AGPAT5: variants seen among roughly 807,000 people sequenced by gnomAD.
AGPAT5 encodes the protein 1-acyl-sn-glycerol-3-phosphate acyltransferase epsilon.
Under a neutral mutation model 45.6 loss-of-function variants are expected in AGPAT5, and 46 were observed. The observed-to-expected ratio is 1.01, with a 90% CI of 0.80 to 1.29. AGPAT5 has a LOEUF of 1.29. AGPAT5 is among the 50% of genes most tolerant of loss of function. The pLI, the probability that AGPAT5 is intolerant of heterozygous loss-of-function variation, is 0.00. For synonymous variants in AGPAT5, 272 were observed against 167.0 expected, an observed-to-expected ratio of 1.63 and a Z score of -4.85; for missense variants, 673 against 450.7, an observed-to-expected ratio of 1.49 and a Z score of -4.47.
At chr8:6,746,175 C>G (rs965083922) in intron 5 of AGPAT5, 8 of 152,334 alleles carry the variant, frequency 5.3e-5, no homozygotes, top group African/African-American at 1.9e-4. Context: ...ACACGTGCCA[C>G]CGCGCCCGGC....
Position 6,761,305 on chromosome 8 carries a change from T to A in AGPAT5, c.*3917T>A, listed in dbSNP as rs1429519498. On this transcript the variant is annotated 3_prime_UTR_variant, in exon 8 of 8. Coordinates refer to ENST00000285518, the MANE Select transcript of AGPAT5 (RefSeq NM_018361.5). ...TGATTTTATATGTGAATATGTAAGA[T>A]ATGTTCTGCAATTTTATAAATGTTC... Among the ~76,000 whole-genome samples, 1 of 152,182 alleles carries A rather than the reference T, an allele frequency of 6.6e-6. No individual in the cohort carries two copies. The highest frequency in any genetic ancestry group is 1.5e-5 in the Non-Finnish European group (1 of 68,048).
intron 4 of AGPAT5, among the ~76,000 whole-genome samples, chr8:6,735,547 C>A (rs1801022333): frequency 6.6e-6 from 1 of 152,204 alleles, no homozygotes; most frequent in Admixed American, 6.5e-5. Context: ...ACATTGGCCC[C>A]CAACTAAACA....
At chr8:6,736,028 A>G (rs1472585993) in intron 4 of AGPAT5, among the ~76,000 whole-genome samples, 1 of 151,632 alleles carries the variant, frequency 6.6e-6, no homozygotes, top group Non-Finnish European at 1.5e-5. Context: ...TAATTTTTGT[A>G]TTTTTAGTAG....
At chr8:6,731,978 T>G (rs1308400948) in intron 3 of AGPAT5, among the ~76,000 whole-genome samples, 3 of 152,230 alleles carry the variant, frequency 2.0e-5, no homozygotes, top group African/African-American at 7.2e-5. Flanking sequence ...CTAATCCTTC[T>G]ACAGAGACTG....
chr8:6,724,019 A>C (rs1451549596), intron 1 of AGPAT5, among the ~76,000 whole-genome samples: 1 of 152,220 alleles, frequency 6.6e-6, no homozygotes, highest in Non-Finnish European at 1.5e-5. Flanking sequence ...ATTTCCTTTT[A>C]AGTCTTTACA....
intron 1 of AGPAT5, among the ~76,000 whole-genome samples, chr8:6,717,800 C>G (rs1157541223): frequency 2.0e-5 from 3 of 148,322 alleles, no homozygotes; most frequent in East Asian, 1.9e-4. Flanking sequence ...AATTTTACTC[C>G]TTGTAATTCC....
rs1307883317 is a variant in AGPAT5 at position 6,758,609 on chromosome 8, C to T, written c.*1221C>T. ...CCTTCTCAAGCCAGTGAAATACAGA[C>T]TTAATTTGTCATGACTGAACGAATT... On this transcript the variant is annotated 3_prime_UTR_variant, in exon 8 of 8. Transcript: ENST00000285518. The T allele has an allele frequency of 6.6e-6, 1 of 152,474 alleles. No homozygotes were observed. The highest frequency in any genetic ancestry group is 1.5e-5 in the Non-Finnish European group (1 of 68,050). 9.4% of individuals were successfully genotyped at this position (152,474 alleles called of 1,614,324 possible).
Position 6,744,676 on chromosome 8 carries a change from A to G in AGPAT5, c.586+2925A>G, listed in dbSNP as rs192335259. Among the ~76,000 whole-genome samples, 1,129 of 152,260 alleles carry G rather than the reference A, an allele frequency of 7.4e-3. 9 individuals are homozygous for G. Among genetic ancestry groups the G allele is most frequent in the Non-Finnish European group, 8.9e-3 (604 of 68,010 alleles). ...GAAATGGCACTGGCTCGCCCACACC[A>G]TATAGCTGACTCTGGTTCTCCCTCC... On this transcript the variant is annotated intron_variant, in intron 5 of 7. Coordinates refer to ENST00000285518, the MANE Select transcript of AGPAT5 (RefSeq NM_018361.5).
At chr8:6,733,069 A>G (rs567109581) in intron 4 of AGPAT5, among the ~76,000 whole-genome samples, 2 of 152,340 alleles carry the variant, frequency 1.3e-5, no homozygotes, top group East Asian at 1.9e-4. Flanking sequence ...CAGAAAAACC[A>G]AAAAAGGATG....
At position 6,708,770 on chromosome 8, in the gene AGPAT5, C is replaced by A; in HGVS notation, c.102C>A (p.Val34=). Residue 34 remains valine (V), a synonymous_variant, in exon 1 of 8, where the codon GTC becomes GTA. Transcript: ENST00000285518. ...TAPTYVLAWG[V]WRLLSAFLPA... ...CCACCTACGTGTTGGCCTGGGGGGT[C>A]TGGCGGCTGCTCTCCGCCTTCCTGC... 1 of 1,608,606 alleles carries A rather than the reference C, an allele frequency of 6.2e-7. No individual in the cohort carries two copies. The highest frequency in any genetic ancestry group is 8.5e-7 in the Non-Finnish European group (1 of 1,179,594).
rs555671255 is a variant in AGPAT5, at chr8:6,714,405, T to G, written c.219+5518T>G. On this transcript the variant is annotated intron_variant, in intron 1 of 7. Coordinates refer to ENST00000285518, the MANE Select transcript of AGPAT5 (RefSeq NM_018361.5). The stretch of plus-strand genomic sequence containing the variant: ...CACAATTAAATTCTGGTTAGGGAAC[T>G]GCTTAACTTACTAGACTTATAGGAA... Among the ~76,000 whole-genome samples the G allele has an allele frequency of 1.1e-3, 167 of 152,354 alleles. 1 individual carries two copies. The highest frequency in any genetic ancestry group is 8.1e-3 in the Admixed American group (124 of 15,292).
At chr8:6,716,969 A>G (rs538127838) in intron 1 of AGPAT5, among the ~76,000 whole-genome samples, 3 of 152,350 alleles carry the variant, frequency 2.0e-5, no homozygotes, top group South Asian at 2.1e-4. Context: ...TAACTAGTTG[A>G]TAAGTTTTGC....
chr8:6,718,318 T>A (rs1420563743), intron 1 of AGPAT5, among the ~76,000 whole-genome samples: 1 of 152,208 alleles, frequency 6.6e-6, no homozygotes, highest in Non-Finnish European at 1.5e-5. Flanking sequence ...CCGCTCCCCG[T>A]CACTGCCTGG....
At chr8:6,712,338 A>G (rs1800181860) in intron 1 of AGPAT5, among the ~76,000 whole-genome samples, 1 of 151,874 alleles carries the variant, frequency 6.6e-6, no homozygotes, top group South Asian at 2.1e-4. Flanking sequence ...TATTCTTTTA[A>G]TTCTTATCTG....
chr8:6,708,644 A>G lies in AGPAT5; in HGVS notation c.-25A>G, dbSNP rs1800016832. On this transcript the variant is annotated 5_prime_UTR_variant, in exon 1 of 8. Coordinates refer to ENST00000285518, the MANE Select transcript of AGPAT5 (RefSeq NM_018361.5). ...GGAGGCGGGCGGGGAGCGCAGGCGG[A>G]GCTCGCTGCCGCCGAGCTGAGAAGA... 2 of 1,498,218 alleles carry G rather than the reference A, an allele frequency of 1.3e-6. No homozygotes were observed. Among genetic ancestry groups the G allele is most frequent in the Non-Finnish European group, 1.8e-6 (2 of 1,126,616 alleles). 92.8% of individuals were successfully genotyped at this position (1,498,218 alleles called of 1,614,324 possible). A position where few individuals can be genotyped will look rare whatever the true frequency, so the allele number is the denominator to read the frequency against.
Position 6,741,736 on chromosome 8 carries a change from T to C in AGPAT5, c.571T>C (p.Phe191Leu). The part of the protein sequence containing the change: ...QTKVLSASQA[F>L]AAQRGLAVLK... ...AAAAGTCCTTTCAGCTAGTCAGGCATTTGCTGCCCAACGTGGTAAGTAAAA... is the reference window on the plus strand; with the variant it reads ...AAAAGTCCTTTCAGCTAGTCAGGCACTTGCTGCCCAACGTGGTAAGTAAAA... Residue 191 changes from phenylalanine (F) to leucine (L), a missense_variant, in exon 5 of 8, where the codon TTT becomes CTT. Coordinates refer to ENST00000285518, the MANE Select transcript of AGPAT5 (RefSeq NM_018361.5). 6.2e-7 allele frequency: 1 copy of C among 1,611,948 alleles called. No homozygotes were observed. The highest frequency in any genetic ancestry group is 8.5e-7 in the Non-Finnish European group (1 of 1,178,736).
intron 4 of AGPAT5, among the ~76,000 whole-genome samples, chr8:6,736,196 A>G (rs56777140): frequency 0.024 from 3,712 of 152,240 alleles, 148 homozygotes; most frequent in African/African-American, 0.085. Context: ...CTTACATAAC[A>G]TGGTATATAT....
At chr8:6,747,975 G>A (rs1801532482) in intron 6 of AGPAT5, 147 bp downstream of exon 6, 2 of 887,716 alleles carry the variant, frequency 2.3e-6, no homozygotes, top group Admixed American at 3.2e-5. Flanking sequence ...TTATTAAGAT[G>A]TAACAGTGGA....
At chr8:6,731,154 C>A (rs1800848639) in intron 3 of AGPAT5, among the ~76,000 whole-genome samples, 1 of 152,080 alleles carries the variant, frequency 6.6e-6, no homozygotes, top group Non-Finnish European at 1.5e-5. Context: ...AACTGCCATA[C>A]CCAACCCTAT....
Sources: allele counts gnomAD v4.1 joint callset (sites outside exome capture counted in the v4.1 genomes callset), GRCh38; gene constraint gnomAD v4.1.1; transcripts MANE v1.5; gene names NCBI Gene and HGNC (gene_info 2026-07-23, HGNC 2026-07-21).